Variants in SH2D6 observed in about 807,000 individuals in gnomAD.
SH2D6 encodes SH2 domain-containing protein 6.
Under a neutral mutation model 30.2 loss-of-function variants are expected in SH2D6, and 31 were observed. That is an observed-to-expected ratio of 1.03 (90% CI 0.77 to 1.38). The LOEUF is 1.38. Among genes scored for constraint, SH2D6 ranks in the 40% most tolerant of loss-of-function variants. The probability of loss-of-function intolerance (pLI) is 0.00; values close to 1 mark genes in which losing one functional copy is unlikely to be tolerated. For synonymous variants in SH2D6, 93 were observed against 104.6 expected, an observed-to-expected ratio of 0.89 and a Z score of 0.68; for missense variants, 240 against 266.8, an observed-to-expected ratio of 0.90 and a Z score of 0.70.
intron 2 of SH2D6, chr2:85,421,295 T>G (rs1687740281): frequency 6.6e-6 from 1 of 152,288 alleles, no homozygotes; most frequent in Non-Finnish European, 1.5e-5. Flanking sequence ...AAAGTGAGTG[T>G]GAGGGAGTCC....
At chr2:85,421,858 G>A (rs1687763543) in intron 2 of SH2D6, 1 of 152,246 alleles carries the variant, frequency 6.6e-6, no homozygotes, top group African/African-American at 2.4e-5. Context: ...GATTAGAAAG[G>A]GTGGAAAGAA....
intron 5 of SH2D6, among the ~76,000 whole-genome samples, chr2:85,424,805 C>T (rs551153488): frequency 7.6e-4 from 114 of 150,890 alleles, no homozygotes; most frequent in African/African-American, 2.6e-3. Flanking sequence ...TGTTGGCTTA[C>T]GCCTGTAATC....
intron 14 of SH2D6, among the ~76,000 whole-genome samples, chr2:85,432,838 C>T (rs945335351): frequency 4.6e-5 from 7 of 152,226 alleles, no homozygotes; most frequent in African/African-American, 1.7e-4. Flanking sequence ...TGCCCAGCTG[C>T]TATGATTTTT....
intron 14 of SH2D6, among the ~76,000 whole-genome samples, chr2:85,432,760 T>C (rs896698147): frequency 6.6e-6 from 1 of 152,062 alleles, no homozygotes; most frequent in East Asian, 1.9e-4. Flanking sequence ...GGCCTCGAAC[T>C]CCTCACCTCA....
At chr2:85,424,834 G>A (rs1048263160) in intron 5 of SH2D6, among the ~76,000 whole-genome samples, 3 of 152,028 alleles carry the variant, frequency 2.0e-5, no homozygotes, top group East Asian at 3.9e-4. Context: ...TTGGGAGGCC[G>A]AGGCAGGTGG....
rs1688467434 is a variant in SH2D6 at position 85,430,319 on chromosome 2, G to C, written c.65-45G>C. On this transcript the variant is annotated intron_variant, in intron 10 of 23. Coordinates refer to ENST00000469800, the MANE Select transcript of SH2D6 (RefSeq NM_001394463.1). This position sits in a 1 kb window ranked among gnomAD's most constrained non-coding sequence, Gnocchi z 4.3. ...GGAGGGCGGGTGGTTTATTATACTG[G>C]GGAAAGGTGGGCAGGGAGGAGGTGA... 1 of 152,750 alleles carries C rather than the reference G, an allele frequency of 6.5e-6. No individual in the cohort carries two copies. The highest frequency in any genetic ancestry group is 2.4e-5 in the African/African-American group (1 of 41,406). The allele number at this position is 152,750 out of a possible 1,614,324, so 9.5% of individuals were successfully genotyped here. A position where few individuals can be genotyped will look rare whatever the true frequency, so the allele number is the denominator to read the frequency against.
intron 13 of SH2D6, among the ~76,000 whole-genome samples, 153 bp from the exon 14 acceptor site, chr2:85,431,746 A>C (rs960046930): frequency 6.6e-6 from 1 of 152,244 alleles, no homozygotes; most frequent in East Asian, 1.9e-4. Context: ...ACAGCAAAGA[A>C]AGAGCCACAG....
At chr2:85,434,538 T>G (rs1406497559) in intron 19 of SH2D6, 41 bp downstream of exon 19, 2 of 1,548,536 alleles carry the variant, frequency 1.3e-6, no homozygotes, top group Admixed American at 2.0e-5. Context: ...TTATCCCAAC[T>G]GATTGTTCAC....
chr2:85,434,261 T>G lies in SH2D6; in HGVS notation c.534-79T>G, dbSNP rs115809005. 1,175 of 1,514,976 alleles carry G rather than the reference T, an allele frequency of 7.8e-4. 9 individuals carry two copies. In the African/African-American group the frequency reaches 0.015, roughly 20 times the overall value. 93.8% of individuals were successfully genotyped at this position (1,514,976 alleles called of 1,614,324 possible). On this transcript the variant is annotated intron_variant, in intron 17 of 23. Coordinates refer to ENST00000469800, the MANE Select transcript of SH2D6 (RefSeq NM_001394463.1). ...GTTGGCAGTGGTGGCAGGGGCAGCT[T>G]GGAATGCTGGGTTCACTGGCCCTTT... is the stretch of plus-strand genomic sequence containing the variant.
In SH2D6 at chr2:85,432,218, C is replaced by CT. The variant is rs34171730; in HGVS notation, c.370+273dup. 2.4e-3 allele frequency among the ~76,000 whole-genome samples: 327 copies of CT among 136,544 alleles called. 1 individual carries two copies. Among genetic ancestry groups the CT allele is most frequent in the Middle Eastern group, 7.8e-3 (2 of 256 alleles). 89.6% of individuals were successfully genotyped at this position (136,544 alleles called of 152,430 possible). ...AGATCACACAGAAGCAGAGTCTGCT[C>CT]TTTTTTTTTTTTTTGGCTCGGCTGC... On this transcript the variant is annotated intron_variant, in intron 14 of 23. Transcript: ENST00000469800.
intron 2 of SH2D6, among the ~76,000 whole-genome samples, chr2:85,419,648 A>G (rs767395197): frequency 6.6e-6 from 1 of 152,138 alleles, no homozygotes; most frequent in Admixed American, 6.5e-5. Context: ...CAGCTTTTAC[A>G]CTTCCTGATC....
intron 22 of SH2D6, 63 bp from the exon 23 acceptor site, chr2:85,436,403 C>T: frequency 3.1e-6 from 4 of 1,270,570 alleles, no homozygotes; most frequent in Non-Finnish European, 2.3e-6. Flanking sequence ...CCACAGTTGC[C>T]TCAGGAAATT....
Position 85,427,992 on chromosome 2 carries a change from G to A in SH2D6, c.-208-592G>A, listed in dbSNP as rs144857100. Among the ~76,000 whole-genome samples the A allele has an allele frequency of 8.2e-4, 125 of 152,176 alleles. 2 individuals carry two copies. The East Asian group carries it at 0.018, about 21-fold the overall frequency. ...TTGTGCCAACAGCCAGGATGCCACCGAAATAATAAGCACAAGAAAGCTCCA... is the reference window on the plus strand; with the variant it reads ...TTGTGCCAACAGCCAGGATGCCACCAAAATAATAAGCACAAGAAAGCTCCA... On this transcript the variant is annotated intron_variant, in intron 6 of 23. Coordinates refer to ENST00000469800, the MANE Select transcript of SH2D6 (RefSeq NM_001394463.1).
At chr2:85,425,738 G>A (rs1687988309) in intron 6 of SH2D6, among the ~76,000 whole-genome samples, 1 of 152,140 alleles carries the variant, frequency 6.6e-6, no homozygotes, top group Admixed American at 6.5e-5. Flanking sequence ...GAGCCACCCT[G>A]GACACTGATA....
intron 2 of SH2D6, among the ~76,000 whole-genome samples, chr2:85,420,173 C>T (rs964605325): frequency 2.0e-4 from 30 of 152,236 alleles, no homozygotes; most frequent in African/African-American, 6.5e-4. Context: ...GGCGCAATCT[C>T]GGTCCACTGC....
At chr2:85,433,938 C>G (rs1410732521) in intron 16 of SH2D6, 95 bp from the exon 17 acceptor site, 55 of 1,070,826 alleles carry the variant, frequency 5.1e-5, no homozygotes, top group Non-Finnish European at 7.2e-5. Flanking sequence ...TGCAGAGAAG[C>G]AGCAGGCCCT....
At chr2:85,434,635 AC>A in intron 19 of SH2D6, 138 bp downstream of exon 19, 8 of 1,249,868 alleles carry the variant, frequency 6.4e-6, no homozygotes, top group Non-Finnish European at 6.5e-6. Flanking sequence ...AAAAAAAAAA[AC>A]TAGGTGAATG....
chr2:85,436,442 C>T (rs374559973), intron 22 of SH2D6, 24 bp from the exon 23 acceptor site: 17 of 1,587,102 alleles, frequency 1.1e-5, no homozygotes, highest in South Asian at 4.4e-5. Flanking sequence ...ATGGGACTCA[C>T]GGATGCCCTG....
chr2:85,424,565 C>T (rs1687899675), intron 5 of SH2D6, among the ~76,000 whole-genome samples: 1 of 151,944 alleles, frequency 6.6e-6, no homozygotes, highest in Non-Finnish European at 1.5e-5. Context: ...TCCTGGGCCA[C>T]ATAGCAAGAC....
Sources: allele counts gnomAD v4.1 joint callset (sites outside exome capture counted in the v4.1 genomes callset), GRCh38; gene constraint gnomAD v4.1.1; non-coding constraint Gnocchi (gnomAD v3.1); transcripts MANE v1.5; gene names NCBI Gene and HGNC (gene_info 2026-07-23, HGNC 2026-07-21).